The following ELOVL7 variants were observed in gnomAD, a reference collection of about 807,000 sequenced individuals.
The protein encoded by ELOVL7 is very long chain fatty acid elongase 7.
A neutral mutation model predicts 35.7 loss-of-function variants in ELOVL7; 27 were observed. The ratio of observed to expected loss-of-function variants is 0.76; its 90% CI spans 0.56 to 1.04. ELOVL7 has a LOEUF of 1.04. Ranked by LOEUF, ELOVL7 falls within the 50% of genes least tolerant of loss-of-function variation. The pLI is 0.00. For missense variants in ELOVL7, 327 were observed against 340.8 expected, an observed-to-expected ratio of 0.96 and a Z score of 0.32; for synonymous variants, 113 against 114.6, an observed-to-expected ratio of 0.99 and a Z score of 0.09.
At chr5:60,755,882 T>C (rs898849987) in intron 8 of ELOVL7, among the ~76,000 whole-genome samples, 3 of 152,214 alleles carry the variant, frequency 2.0e-5, no homozygotes, top group African/African-American at 7.2e-5. Context: ...AGTAAAACTC[T>C]ATAAAGAAAT....
At chr5:60,796,362 T>C (rs939621481) in intron 2 of ELOVL7, among the ~76,000 whole-genome samples, 4 of 152,198 alleles carry the variant, frequency 2.6e-5, no homozygotes, top group African/African-American at 9.7e-5. Context: ...AAGCAGGATT[T>C]CTCAACCTCG....
intron 1 of ELOVL7, among the ~76,000 whole-genome samples, chr5:60,842,683 A>T (rs1021459162): frequency 2.6e-5 from 4 of 152,184 alleles, no homozygotes; most frequent in African/African-American, 4.8e-5. Flanking sequence ...AGTGGTTAAC[A>T]GCTCCAGTGC....
At chr5:60,809,409 T>C (rs6449504) in intron 1 of ELOVL7, among the ~76,000 whole-genome samples, 118,836 of 152,042 alleles carry the variant, frequency 0.78, 46,697 homozygotes, top group East Asian at 0.9. Flanking sequence ...AATATAAATT[T>C]ATCCCAGAGG....
chr5:60,827,898 C>T (rs1746264621), intron 1 of ELOVL7, among the ~76,000 whole-genome samples: 1 of 152,086 alleles, frequency 6.6e-6, no homozygotes, highest in Non-Finnish European at 1.5e-5. Context: ...CCCAGAATCT[C>T]TCCTTCTTCA....
intron 5 of ELOVL7, among the ~76,000 whole-genome samples, chr5:60,766,879 C>T (rs867032212): frequency 1.3e-5 from 2 of 152,124 alleles, no homozygotes; most frequent in African/African-American, 4.8e-5. Context: ...TCTCTAACCC[C>T]AGCTACAATT....
At chr5:60,808,011 A>AAAAAAAAAAAAG (rs1745040303) in intron 1 of ELOVL7, among the ~76,000 whole-genome samples, 1 of 149,672 alleles carries the variant, frequency 6.7e-6, no homozygotes, top group African/African-American at 2.4e-5. Flanking sequence ...AAAAAAAAAA[A>AAAAAAAAAAAAG]AAAAAAAAAA....
intron 7 of ELOVL7, among the ~76,000 whole-genome samples, chr5:60,760,073 A>G (rs1282715182): frequency 6.6e-6 from 1 of 152,114 alleles, no homozygotes; most frequent in African/African-American, 2.4e-5. Flanking sequence ...AGTCTTTGTT[A>G]TTGTGAATAG....
chr5:60,770,951 C>A (rs182679525), intron 4 of ELOVL7, among the ~76,000 whole-genome samples: 2 of 152,300 alleles, frequency 1.3e-5, no homozygotes, highest in Non-Finnish European at 2.9e-5. Flanking sequence ...CCTCTTACTT[C>A]AGCCTACCAA....
intron 1 of ELOVL7, among the ~76,000 whole-genome samples, chr5:60,820,361 A>G (rs1745812390): frequency 6.6e-6 from 1 of 152,238 alleles, no homozygotes; most frequent in Non-Finnish European, 1.5e-5. Flanking sequence ...ACTGTGAGAT[A>G]ATACATTTGT....
chr5:60,768,665 G>A (rs900286790), intron 4 of ELOVL7: 80 of 455,706 alleles, frequency 1.8e-4, no homozygotes, highest in Non-Finnish European at 3.3e-4. Context: ...GTCTGATGGT[G>A]GGAAGGTCTT....
chr5:60,822,416 T>A (rs957685419), intron 1 of ELOVL7, among the ~76,000 whole-genome samples: 2 of 152,204 alleles, frequency 1.3e-5, no homozygotes, highest in African/African-American at 4.8e-5. Flanking sequence ...GCAAATCAGC[T>A]ATGCAAAGGA....
chr5:60,780,773 A>C (rs1209326519), intron 3 of ELOVL7, among the ~76,000 whole-genome samples: 1 of 152,224 alleles, frequency 6.6e-6, no homozygotes, highest in Non-Finnish European at 1.5e-5. Flanking sequence ...AATCGTGAGA[A>C]GAGCATGGGG....
intron 7 of ELOVL7, among the ~76,000 whole-genome samples, chr5:60,763,034 T>C (rs549504770): frequency 3.9e-4 from 60 of 152,252 alleles, no homozygotes; most frequent in African/African-American, 1.1e-3. Context: ...ATTAATACAG[T>C]TACTGTTGAT....
In ELOVL7 at chr5:60,752,486, T is replaced by C. The variant is rs752494401; in HGVS notation, c.*2138A>G. On this transcript the variant is annotated 3_prime_UTR_variant, in exon 9 of 9. Coordinates refer to ENST00000508821, the MANE Select transcript of ELOVL7 (RefSeq NM_024930.3). ...CTATACTACTTGGGTTCTTTGGAAA[T>C]GGTGTGATTTCTAACAGCACCTAGC... The C allele has an allele frequency of 5.9e-5, 9 of 152,612 alleles. No individual in the cohort carries two copies. Among genetic ancestry groups the C allele is most frequent in the Non-Finnish European group, 7.3e-5 (5 of 68,046 alleles). The allele number at this position is 152,612 out of a possible 1,614,324, so 9.5% of individuals were successfully genotyped here.
At chr5:60,798,918 T>G (rs999129659) in intron 2 of ELOVL7, among the ~76,000 whole-genome samples, 1 of 152,192 alleles carries the variant, frequency 6.6e-6, no homozygotes. Flanking sequence ...TCTTCTTAAG[T>G]GTACACAGAA....
At chr5:60,786,441 A>T (rs1015908764) in intron 3 of ELOVL7, among the ~76,000 whole-genome samples, 1 of 152,324 alleles carries the variant, frequency 6.6e-6, no homozygotes, top group African/African-American at 2.4e-5. Context: ...AAATGTATGG[A>T]GTATTTTATA....
intron 1 of ELOVL7, among the ~76,000 whole-genome samples, chr5:60,819,607 C>T (rs1156814349): frequency 1.3e-5 from 2 of 152,080 alleles, no homozygotes; most frequent in Non-Finnish European, 2.9e-5. Flanking sequence ...CATGGTGAAA[C>T]CCCGTCCCTA....
chr5:60,802,113 T>C (rs1268662373), intron 1 of ELOVL7, among the ~76,000 whole-genome samples: 125 of 6,520 alleles, frequency 0.019, 4 homozygotes, highest in African/African-American at 0.076. Flanking sequence ...TATATATATA[T>C]ATATACACAC....
At chr5:60,784,966 A>G (rs575503918) in intron 3 of ELOVL7, among the ~76,000 whole-genome samples, 1 of 152,334 alleles carries the variant, frequency 6.6e-6, no homozygotes, top group Non-Finnish European at 1.5e-5. Flanking sequence ...GATACTTCCG[A>G]AACAGCAGAG....
Sources: allele counts gnomAD v4.1 joint callset (sites outside exome capture counted in the v4.1 genomes callset), GRCh38; gene constraint gnomAD v4.1.1; transcripts MANE v1.5; gene names NCBI Gene and HGNC (gene_info 2026-07-23, HGNC 2026-07-21).